Variants in UBE2E2 observed in about 807,000 individuals in gnomAD.
UBE2E2 encodes the protein ubiquitin-conjugating enzyme E2 E2.
UBE2E2 carries 6 observed loss-of-function variants against 24.7 expected under a neutral mutation model. That is an observed-to-expected ratio of 0.24 (90% CI 0.13 to 0.48). The LOEUF (loss-of-function observed/expected upper bound fraction) is 0.48. UBE2E2 is among the 20% of genes least tolerant of loss of function. The pLI is 0.99. For missense variants in UBE2E2, 169 were observed against 245.0 expected (o/e 0.69, Z 2.07); for synonymous variants, 104 against 83.6 (o/e 1.24, Z -1.33).
intron 4 of UBE2E2, among the ~76,000 whole-genome samples, chr3:23,501,627 G>C (rs1023065901): frequency 6.6e-6 from 1 of 152,166 alleles, no homozygotes; most frequent in African/African-American, 2.4e-5. Flanking sequence ...ACATGTTTTA[G>C]GGACTATGGT....
intron 3 of UBE2E2, among the ~76,000 whole-genome samples, chr3:23,238,340 C>T (rs1175094595): frequency 1.3e-5 from 2 of 152,178 alleles, no homozygotes; most frequent in Non-Finnish European, 2.9e-5. Flanking sequence ...ACCAGATTTA[C>T]TCCACCTGCC....
chr3:23,550,025 T>TC (rs1194656627), intron 5 of UBE2E2, among the ~76,000 whole-genome samples: 2 of 141,428 alleles, frequency 1.4e-5, no homozygotes, highest in Non-Finnish European at 3.1e-5. Context: ...AGAGAGAGAC[T>TC]CCATCTCAAA....
intron 5 of UBE2E2, among the ~76,000 whole-genome samples, chr3:23,557,242 A>G (rs1045385879): frequency 1.8e-4 from 27 of 152,234 alleles, no homozygotes; most frequent in African/African-American, 6.3e-4. Context: ...TGCAGTTCAG[A>G]TGCTAACCAA....
intron 4 of UBE2E2, among the ~76,000 whole-genome samples, chr3:23,522,841 T>C (rs1331020144): frequency 2.0e-5 from 3 of 152,062 alleles, no homozygotes; most frequent in African/African-American, 7.2e-5. Flanking sequence ...CCCATGAAGA[T>C]GCAAATGCAA....
At chr3:23,415,360 G>C (rs1378627296) in intron 3 of UBE2E2, among the ~76,000 whole-genome samples, 1 of 152,110 alleles carries the variant, frequency 6.6e-6, no homozygotes, top group Admixed American at 6.5e-5. Context: ...GTCTGTATCA[G>C]TATTTTTCTT....
chr3:23,586,783 A>G (rs1203268118), intron 5 of UBE2E2, among the ~76,000 whole-genome samples: 1 of 152,216 alleles, frequency 6.6e-6, no homozygotes, highest in Non-Finnish European at 1.5e-5. Flanking sequence ...ATTCGTTCTT[A>G]ATTCAGGTAT....
intron 3 of UBE2E2, among the ~76,000 whole-genome samples, chr3:23,322,577 TTAA>T (rs1398175523): frequency 6.6e-6 from 1 of 152,130 alleles, no homozygotes; most frequent in Non-Finnish European, 1.5e-5. Context: ...TTCATTTATT[TTAA>T]TAATGCTTTT....
chr3:23,483,817 T>G (rs1338089420), intron 3 of UBE2E2, among the ~76,000 whole-genome samples: 1 of 152,190 alleles, frequency 6.6e-6, no homozygotes, highest in Non-Finnish European at 1.5e-5. Flanking sequence ...TTTTTGTTGT[T>G]GGGGCAGGGT....
intron 3 of UBE2E2, among the ~76,000 whole-genome samples, chr3:23,486,859 A>G (rs1305357272): frequency 1.3e-5 from 2 of 152,180 alleles, no homozygotes; most frequent in Admixed American, 6.5e-5. Context: ...GCGTCAATGA[A>G]GTTCTCACTC....
intron 3 of UBE2E2, among the ~76,000 whole-genome samples, chr3:23,290,923 A>T (rs2125247209): frequency 6.9e-6 from 1 of 145,526 alleles, no homozygotes; most frequent in Admixed American, 6.9e-5. Context: ...TTAGCCGGGC[A>T]TGGTGGCATG....
intron 3 of UBE2E2, among the ~76,000 whole-genome samples, chr3:23,262,700 C>T (rs1697936216): frequency 6.6e-6 from 1 of 151,810 alleles, no homozygotes; most frequent in Admixed American, 6.6e-5. Flanking sequence ...TGTTTTCTTC[C>T]ATTCCATAGA....
chr3:23,477,247 G>A (rs1383347405), intron 3 of UBE2E2, among the ~76,000 whole-genome samples: 1 of 152,170 alleles, frequency 6.6e-6, no homozygotes, highest in Non-Finnish European at 1.5e-5. Flanking sequence ...TTTATCATGT[G>A]TGAATACATT....
At chr3:23,216,292 T>A (rs1288780205) in intron 2 of UBE2E2, among the ~76,000 whole-genome samples, 3 of 152,180 alleles carry the variant, frequency 2.0e-5, no homozygotes, top group Non-Finnish European at 2.9e-5. Flanking sequence ...CCATTTATTC[T>A]AGTAGTTTGT....
intron 3 of UBE2E2, among the ~76,000 whole-genome samples, chr3:23,288,645 C>A (rs1698681226): frequency 6.6e-6 from 1 of 152,032 alleles, no homozygotes; most frequent in African/African-American, 2.4e-5. Context: ...TGAATTGACC[C>A]TTTATCATTA....
At chr3:23,342,909 T>C (rs978353957) in intron 3 of UBE2E2, among the ~76,000 whole-genome samples, 1 of 152,146 alleles carries the variant, frequency 6.6e-6, no homozygotes, top group Non-Finnish European at 1.5e-5. Flanking sequence ...AGAATTGTTA[T>C]TTTAGGACAA....
chr3:23,417,741 G>A (rs568877219), intron 3 of UBE2E2, among the ~76,000 whole-genome samples: 2 of 152,336 alleles, frequency 1.3e-5, no homozygotes, highest in South Asian at 4.1e-4. Context: ...CTTTCTTTCA[G>A]AGATGCCCTG....
At position 23,215,638 on chromosome 3, in the gene UBE2E2, T is replaced by C. The variant is rs188201918; in HGVS notation, c.177-1624T>C. ...GCCCCCTCTTGCCTGTCTCAACCTG[T>C]TTGATTTACACCCATTTGTTTTGTC... On this transcript the variant is annotated intron_variant, in intron 2 of 5. Transcript: ENST00000396703. Among the ~76,000 whole-genome samples, 141 of 152,296 alleles carry C rather than the reference T, an allele frequency of 9.3e-4. No individual in the cohort carries two copies. The Middle Eastern group carries it at 0.01, about 11-fold the overall frequency.
chr3:23,434,795 T>G (rs1698146770), intron 3 of UBE2E2, among the ~76,000 whole-genome samples: 1 of 152,194 alleles, frequency 6.6e-6, no homozygotes, highest in Non-Finnish European at 1.5e-5. Context: ...AGTGTAATGC[T>G]TTATTAGCTC....
chr3:23,559,480 T>C (rs2048677529), intron 5 of UBE2E2, among the ~76,000 whole-genome samples: 1 of 152,198 alleles, frequency 6.6e-6, no homozygotes, highest in African/African-American at 2.4e-5. Flanking sequence ...TAGATTTAAA[T>C]TACTAAGCTG....
Sources: allele counts gnomAD v4.1 joint callset (sites outside exome capture counted in the v4.1 genomes callset), GRCh38; gene constraint gnomAD v4.1.1; transcripts MANE v1.5; gene names NCBI Gene and HGNC (gene_info 2026-07-23, HGNC 2026-07-21).